NRG2: variants seen among roughly 807,000 people sequenced by gnomAD.
NRG2 encodes the protein pro-neuregulin-2, membrane-bound isoform.
NRG2 carries 27 observed loss-of-function variants against 73.9 expected under a neutral mutation model. The ratio of observed to expected loss-of-function variants is 0.37; its 90% CI spans 0.27 to 0.50. NRG2 has a LOEUF of 0.50. Ranked by LOEUF, NRG2 falls within the 20% of genes least tolerant of loss-of-function variation. The probability of loss-of-function intolerance (pLI) is 0.96; values close to 1 mark genes in which losing one functional copy is unlikely to be tolerated. For missense variants in NRG2, 1,126 were observed against 1,210.1 expected (o/e 0.93, Z 1.03); for synonymous variants, 532 against 541.0 (o/e 0.98, Z 0.23).
At chr5:139,993,483 G>C (rs1005498520) in intron 1 of NRG2, among the ~76,000 whole-genome samples, 1 of 152,126 alleles carries the variant, frequency 6.6e-6, no homozygotes, top group East Asian at 1.9e-4. Flanking sequence ...CGCTAGTATC[G>C]TTAAAGCCTC....
rs1762058574 is a variant in NRG2 at position 140,042,915 on chromosome 5, TTGCTGCTGCTCC to T, written c.143_154del (p.Arg48_Ser51del). ...AGCGGGACGAGAGATGCTGCTGTTG[TTGCTGCTGCTCC>T]TGCTGCTGCTGCCGCTCTCGCTGCT... On this transcript the variant is annotated inframe_deletion, in exon 1 of 10. Transcript: ENST00000361474. 1 of 1,524,230 alleles carries T rather than the reference TTGCTGCTGCTCC, an allele frequency of 6.6e-7. No individual in the cohort carries two copies. The highest frequency in any genetic ancestry group is 1.2e-5 in the South Asian group (1 of 83,786). The allele number at this position is 1,524,230 out of a possible 1,614,324, so 94.4% of individuals were successfully genotyped here. A position where few individuals can be genotyped will look rare whatever the true frequency, so the allele number is the denominator to read the frequency against.
intron 3 of NRG2, among the ~76,000 whole-genome samples, chr5:139,876,636 G>A (rs1483725591): frequency 6.6e-6 from 1 of 151,966 alleles, no homozygotes; most frequent in Non-Finnish European, 1.5e-5. Flanking sequence ...CTGCGTCCCC[G>A]ACTGCCCACA....
chr5:139,933,449 C>A (rs1306933843), intron 1 of NRG2, among the ~76,000 whole-genome samples: 2 of 152,126 alleles, frequency 1.3e-5, no homozygotes, highest in Non-Finnish European at 2.9e-5. Context: ...ACTGGAATAG[C>A]TCTCTTAATA....
chr5:139,888,521 T>G (rs1764015108), intron 1 of NRG2, among the ~76,000 whole-genome samples: 1 of 152,200 alleles, frequency 6.6e-6, no homozygotes, highest in Non-Finnish European at 1.5e-5. Context: ...CAGGGAGTTG[T>G]CTGGGAACTG....
chr5:139,899,151 G>A (rs1001476963), intron 1 of NRG2, among the ~76,000 whole-genome samples: 13 of 152,204 alleles, frequency 8.5e-5, no homozygotes, highest in African/African-American at 3.1e-4. Context: ...CTGACACTGA[G>A]GAGCTGGGTT....
chr5:139,939,764 T>C (rs1193352809), intron 1 of NRG2, among the ~76,000 whole-genome samples: 1 of 152,050 alleles, frequency 6.6e-6, no homozygotes, highest in Non-Finnish European at 1.5e-5. Flanking sequence ...TAAAAACTCT[T>C]ACAACTAAGT....
At chr5:139,935,878 G>C (rs1387638846) in intron 1 of NRG2, among the ~76,000 whole-genome samples, 2 of 151,030 alleles carry the variant, frequency 1.3e-5, no homozygotes, top group Non-Finnish European at 2.9e-5. Flanking sequence ...AGAATCGCTT[G>C]AACCTGGGAG....
In NRG2 at chr5:139,954,099, TG is replaced by T. The variant is rs1188786303; in HGVS notation, c.701-66589del. 6.6e-6 allele frequency among the ~76,000 whole-genome samples: 1 copy of T among 150,836 alleles called. No individual in the cohort carries two copies. The highest frequency in any genetic ancestry group is 1.5e-5 in the Non-Finnish European group (1 of 67,694). Reference sequence around the variant, plus strand: ...TGAAAAAAAGAGACCCAGGGAGGGGTGGGGGACACAGAGCAAGCATGAGGCC... The same window carrying T: ...TGAAAAAAAGAGACCCAGGGAGGGGTGGGGACACAGAGCAAGCATGAGGCC... On this transcript the variant is annotated intron_variant, in intron 1 of 9. Transcript: ENST00000361474. The surrounding 1 kb of genome is among the most constrained non-coding windows in gnomAD (Gnocchi z 5.0).
intron 1 of NRG2, among the ~76,000 whole-genome samples, chr5:139,980,366 C>A (rs1291197766): frequency 6.8e-6 from 1 of 146,178 alleles, no homozygotes; most frequent in Non-Finnish European, 1.5e-5. Flanking sequence ...AAAAAAAAAT[C>A]TTCACTGTAC....
intron 1 of NRG2, among the ~76,000 whole-genome samples, chr5:139,991,541 G>A (rs1757632387): frequency 6.6e-6 from 1 of 152,002 alleles, no homozygotes; most frequent in Admixed American, 6.6e-5. Flanking sequence ...CTCACTGAGT[G>A]TGCACCACCC....
chr5:139,991,622 C>T, intron 1 of NRG2, among the ~76,000 whole-genome samples: 1 of 152,140 alleles, frequency 6.6e-6, no homozygotes, highest in South Asian at 2.1e-4. Flanking sequence ...GTCTCAAACT[C>T]CTGACCTCTG....
At chr5:139,987,778 T>G (rs1402447808) in intron 1 of NRG2, among the ~76,000 whole-genome samples, 5 of 150,198 alleles carry the variant, frequency 3.3e-5, no homozygotes, top group South Asian at 2.1e-4. Context: ...GGTTGTTTTT[T>G]TTTTTTTTTT....
At chr5:139,923,805 C>A (rs71581513) in intron 1 of NRG2, among the ~76,000 whole-genome samples, 22,432 of 152,064 alleles carry the variant, frequency 0.15, 1,738 homozygotes, top group South Asian at 0.26. Flanking sequence ...TTGGCCTGCT[C>A]GGGACTGTCA....
intron 1 of NRG2, among the ~76,000 whole-genome samples, chr5:140,005,091 GT>G (rs1758784896): frequency 6.6e-6 from 1 of 152,168 alleles, no homozygotes; most frequent in Admixed American, 6.5e-5. Flanking sequence ...CTCAGGGGAT[GT>G]AGAATTGGGT....
At chr5:139,927,804 AC>A (rs149176379) in intron 1 of NRG2, among the ~76,000 whole-genome samples, 2,561 of 150,950 alleles carry the variant, frequency 0.017, 93 homozygotes, top group African/African-American at 0.06. Context: ...GGTAAAGTCT[AC>A]AGGACAAGTT....
At chr5:140,034,331 CTT>C (rs34065380) in intron 1 of NRG2, among the ~76,000 whole-genome samples, 1 of 144,902 alleles carries the variant, frequency 6.9e-6, no homozygotes, top group Non-Finnish European at 1.5e-5. Flanking sequence ...TTTGGGTCGA[CTT>C]TTTTTTTTTT....
chr5:139,859,750 G>T, intron 5 of NRG2: 2 of 834,998 alleles, frequency 2.4e-6, no homozygotes, highest in Non-Finnish European at 3.8e-6. Context: ...AGGACATCTC[G>T]ATGGGGCCAG....
At chr5:139,866,730 A>AC (rs1272025681) in intron 4 of NRG2, among the ~76,000 whole-genome samples, 2 of 151,816 alleles carry the variant, frequency 1.3e-5, no homozygotes, top group Non-Finnish European at 2.9e-5. Flanking sequence ...GCTCTAAAGC[A>AC]CCCCCCACTC....
At chr5:139,883,627 A>G (rs982222370) in intron 2 of NRG2, among the ~76,000 whole-genome samples, 4 of 152,184 alleles carry the variant, frequency 2.6e-5, no homozygotes, top group African/African-American at 9.7e-5. Flanking sequence ...ACATTTTGCC[A>G]GAAAGCAGAC....
Sources: gnomAD v4.1 joint callset for allele counts (sites outside exome capture counted in the v4.1 genomes callset) on GRCh38, gnomAD v4.1.1 for gene constraint, Gnocchi (gnomAD v3.1) non-coding constraint, MANE v1.5 for transcripts, NCBI Gene and HGNC (gene_info 2026-07-23, HGNC 2026-07-21) for gene names.